MIPOL1: variants seen among roughly 807,000 people sequenced by gnomAD.
The protein encoded by MIPOL1 is mirror-image polydactyly 1.
MIPOL1 carries 57 observed loss-of-function variants against 60.9 expected under a neutral mutation model. The ratio of observed to expected loss-of-function variants is 0.94; its 90% CI spans 0.76 to 1.17. The LOEUF is 1.17. Ranked by LOEUF, MIPOL1 falls within the 50% of genes most tolerant of loss-of-function variation. MIPOL1 has a pLI of 0.00. For missense variants in MIPOL1, 551 were observed against 511.6 expected, an observed-to-expected ratio of 1.08 and a Z score of -0.74; for synonymous variants, 179 against 168.8, an observed-to-expected ratio of 1.06 and a Z score of -0.47.
chr14:37,456,342 G>T (rs2094476181), intron 11 of MIPOL1, among the ~76,000 whole-genome samples: 1 of 152,002 alleles, frequency 6.6e-6, no homozygotes, highest in African/African-American at 2.4e-5. Flanking sequence ...ATATTCCCCA[G>T]ATGAAGAACA....
rs908301997 is a variant in MIPOL1 at position 37,361,855 on chromosome 14, C to T, written c.829-7662C>T. On this transcript the variant is annotated intron_variant, in intron 9 of 12. Coordinates refer to ENST00000684589, the MANE Select transcript of MIPOL1 (RefSeq NM_001388067.1). ...ATCTCCTGACCTTGTGATCTGCCCG[C>T]CTTGGCCTTTCAAAGTGCTGTTTGT... Among the ~76,000 whole-genome samples, 162 of 152,114 alleles carry T rather than the reference C, an allele frequency of 1.1e-3. 1 individual carries two copies. Among genetic ancestry groups the T allele is most frequent in the African/African-American group, 3.7e-3 (153 of 41,496 alleles).
chr14:37,534,274 C>T (rs1236369345), intron 12 of MIPOL1, among the ~76,000 whole-genome samples: 2 of 152,048 alleles, frequency 1.3e-5, no homozygotes, highest in African/African-American at 4.8e-5. Flanking sequence ...CAAACTCCTT[C>T]GATTTAAAGT....
At chr14:37,334,832 T>C (rs774189917) in intron 9 of MIPOL1, among the ~76,000 whole-genome samples, 6 of 152,098 alleles carry the variant, frequency 3.9e-5, no homozygotes, top group Non-Finnish European at 7.4e-5. Context: ...TCTGGCAGTA[T>C]GTATTAGTAC....
intron 12 of MIPOL1, chr14:37,502,873 G>T (rs946981467): frequency 6.6e-6 from 1 of 152,004 alleles, no homozygotes; most frequent in Non-Finnish European, 1.5e-5. Flanking sequence ...TAAAAACCTT[G>T]AAAAAAGGTT....
At chr14:37,443,102 G>A (rs1566613286) in intron 11 of MIPOL1, among the ~76,000 whole-genome samples, 1 of 152,130 alleles carries the variant, frequency 6.6e-6, no homozygotes, top group Non-Finnish European at 1.5e-5. Flanking sequence ...AAAACAGTGT[G>A]ATATTAGCAT....
At chr14:37,440,520 T>C (rs780265962) in intron 11 of MIPOL1, among the ~76,000 whole-genome samples, 3 of 152,162 alleles carry the variant, frequency 2.0e-5, no homozygotes, top group Non-Finnish European at 4.4e-5. Context: ...AATGAGAACA[T>C]GCAGTATTTG....
intron 12 of MIPOL1, among the ~76,000 whole-genome samples, chr14:37,540,339 T>C (rs2095524690): frequency 6.6e-6 from 1 of 152,238 alleles, no homozygotes; most frequent in African/African-American, 2.4e-5. Context: ...TTCATTTTTT[T>C]ATATTCCCTG....
intron 10 of MIPOL1, among the ~76,000 whole-genome samples, chr14:37,370,101 G>T (rs2153496361): frequency 6.6e-6 from 1 of 152,158 alleles, no homozygotes; most frequent in South Asian, 2.1e-4. Flanking sequence ...TACTTAGAAT[G>T]TTACAATAAA....
chr14:37,290,489 G>A (rs529431101), intron 7 of MIPOL1, among the ~76,000 whole-genome samples: 62 of 152,186 alleles, frequency 4.1e-4, no homozygotes, highest in African/African-American at 1.5e-3. Flanking sequence ...GCCTCCCAAA[G>A]TACTGGGATT....
At chr14:37,349,652 T>C (rs2091205735) in intron 9 of MIPOL1, among the ~76,000 whole-genome samples, 1 of 152,234 alleles carries the variant, frequency 6.6e-6, no homozygotes, top group African/African-American at 2.4e-5. Flanking sequence ...ATGTCTTTTC[T>C]ATGTGAAATT....
chr14:37,544,665 G>A (rs2095541146), intron 12 of MIPOL1, among the ~76,000 whole-genome samples: 1 of 152,178 alleles, frequency 6.6e-6, no homozygotes, highest in Non-Finnish European at 1.5e-5. Flanking sequence ...GGAAGGAATA[G>A]GTGCTTCATT....
intron 3 of MIPOL1, among the ~76,000 whole-genome samples, chr14:37,264,213 T>G (rs1027944127): frequency 6.6e-6 from 1 of 152,106 alleles, no homozygotes; most frequent in African/African-American, 2.4e-5. Flanking sequence ...AAATTTGGGC[T>G]ATGAATAAGG....
At chr14:37,490,598 C>G (rs2095033897) in intron 11 of MIPOL1, among the ~76,000 whole-genome samples, 1 of 152,216 alleles carries the variant, frequency 6.6e-6, no homozygotes, top group South Asian at 2.1e-4. Context: ...CAGAGGGAAT[C>G]TCTTGGTCTG....
intron 12 of MIPOL1, chr14:37,507,421 G>T (rs770269363): frequency 2.6e-5 from 4 of 152,124 alleles, no homozygotes; most frequent in Non-Finnish European, 5.9e-5. Context: ...ATACTATGCA[G>T]CCATAAAAAA....
At chr14:37,253,809 T>C (rs921095494) in intron 3 of MIPOL1, among the ~76,000 whole-genome samples, 3 of 151,704 alleles carry the variant, frequency 2.0e-5, no homozygotes, top group African/African-American at 7.2e-5. Context: ...TAATTAATAA[T>C]ATTAATTTAG....
At chr14:37,392,718 T>A (rs1433749110) in intron 10 of MIPOL1, among the ~76,000 whole-genome samples, 1 of 152,168 alleles carries the variant, frequency 6.6e-6, no homozygotes, top group Non-Finnish European at 1.5e-5. Context: ...TTGCTAAAAG[T>A]TTTTATTGTG....
chr14:37,223,866 C>G (rs1429446188), intron 1 of MIPOL1, among the ~76,000 whole-genome samples: 1 of 152,150 alleles, frequency 6.6e-6, no homozygotes. Context: ...AAATTATGTA[C>G]TGCTAAAATG....
At chr14:37,490,012 T>C (rs2095023723) in intron 11 of MIPOL1, among the ~76,000 whole-genome samples, 1 of 152,178 alleles carries the variant, frequency 6.6e-6, no homozygotes. Context: ...TTCAGAGCCA[T>C]CAGGCAGGGA....
intron 11 of MIPOL1, among the ~76,000 whole-genome samples, chr14:37,477,169 G>A (rs2094789697): frequency 6.6e-6 from 1 of 151,980 alleles, no homozygotes; most frequent in Non-Finnish European, 1.5e-5. Context: ...CAAAGTGCTA[G>A]GATTACAGGC....
Sources: gnomAD v4.1 joint callset for allele counts (sites outside exome capture counted in the v4.1 genomes callset) on GRCh38, gnomAD v4.1.1 for gene constraint, MANE v1.5 for transcripts, NCBI Gene and HGNC (gene_info 2026-07-23, HGNC 2026-07-21) for gene names.